USP8: variants seen among roughly 807,000 people sequenced by gnomAD.
USP8 encodes ubiquitin specific peptidase 8, also known as ubiquitin carboxyl-terminal hydrolase 8.
A neutral mutation model predicts 130.0 loss-of-function variants in USP8; 27 were observed. The observed-to-expected ratio is 0.21, with a 90% confidence interval of 0.15 to 0.29. The LOEUF (loss-of-function observed/expected upper bound fraction) is 0.29, where lower values mean the gene tolerates loss of function less well. USP8 is among the 10% of genes least tolerant of loss of function. The probability of loss-of-function intolerance (pLI) is 1.00; values close to 1 mark genes in which losing one functional copy is unlikely to be tolerated. For synonymous variants in USP8, 392 were observed against 444.1 expected, an observed-to-expected ratio of 0.88 and a Z score of 1.48; for missense variants, 1,029 against 1,312.2, an observed-to-expected ratio of 0.78 and a Z score of 3.33.
chr15:50,486,906 G>A (rs972168455), intron 12 of USP8, among the ~76,000 whole-genome samples: 2 of 152,082 alleles, frequency 1.3e-5, no homozygotes, highest in African/African-American at 4.8e-5. Flanking sequence ...GCTGAAGTGG[G>A]AGGATCATTT....
At position 50,513,566 on chromosome 15, in the gene USP8, A is replaced by T. The variant is rs2052767950; in HGVS notation, c.*14478A>T. The T allele has an allele frequency of 6.6e-6, 1 of 151,730 alleles. No individual in the cohort carries two copies. Among genetic ancestry groups the T allele is most frequent in the Admixed American group, 6.6e-5 (1 of 15,232 alleles). 9.4% of individuals were successfully genotyped at this position (151,730 alleles called of 1,614,324 possible). A position where few individuals can be genotyped will look rare whatever the true frequency, so the allele number is the denominator to read the frequency against. On this transcript the variant is annotated 3_prime_UTR_variant, in exon 20 of 20. Transcript: ENST00000307179. ...GTGAAGAATCAAGCCACAGAAGGTA[A>T]TTTAAAAATGTACACTCAAGATTTA...
chr15:50,432,264 G>T lies in USP8; in HGVS notation c.-65-6745G>T, dbSNP rs1452132416. ...CGCCCAGCTAATTTTTAAATTTTTT[G>T]TAAAATTTTTTGTCTTTACTTTGTT... On this transcript the variant is annotated intron_variant, in intron 1 of 19. Transcript: ENST00000307179. 2.6e-5 allele frequency: 4 copies of T among 152,252 alleles called. No homozygotes were observed. The South Asian group carries it at 8.3e-4, about 32-fold the overall frequency. 9.4% of individuals were successfully genotyped at this position (152,252 alleles called of 1,614,324 possible).
chr15:50,456,655 G>A (rs1226638400), intron 4 of USP8, among the ~76,000 whole-genome samples: 15 of 152,108 alleles, frequency 9.9e-5, no homozygotes, highest in Non-Finnish European at 2.9e-5. Flanking sequence ...GGAGGCCGAC[G>A]AGGGTGGATC....
chr15:50,475,983 G>C (rs2051555547), intron 8 of USP8, among the ~76,000 whole-genome samples: 1 of 152,136 alleles, frequency 6.6e-6, no homozygotes, highest in African/African-American at 2.4e-5. Flanking sequence ...GTGTACCTTA[G>C]CTTAAGCAAC....
chr15:50,492,610 A>G lies in USP8; in HGVS notation c.2235-91A>G, dbSNP rs3098178. Reference sequence around the variant, plus strand: ...ACTGTTTACAAGATGCCTGTGGTACAGGTGCTACAGTTTGCTGCCATTTAT... The same window carrying G: ...ACTGTTTACAAGATGCCTGTGGTACGGGTGCTACAGTTTGCTGCCATTTAT... On this transcript the variant is annotated intron_variant, in intron 14 of 19. Transcript: ENST00000307179. 10,180 of 1,256,060 alleles carry G rather than the reference A, an allele frequency of 8.1e-3. 48 individuals are homozygous for G. Among genetic ancestry groups the G allele is most frequent in the Non-Finnish European group, 0.01 (9,146 of 904,668 alleles). 77.8% of individuals were successfully genotyped at this position (1,256,060 alleles called of 1,614,324 possible). A position where few individuals can be genotyped will look rare whatever the true frequency, so the allele number is the denominator to read the frequency against.
intron 7 of USP8, among the ~76,000 whole-genome samples, chr15:50,469,288 TTTAA>T (rs2051298424): frequency 6.6e-6 from 1 of 151,938 alleles, no homozygotes; most frequent in Non-Finnish European, 1.5e-5. Context: ...AAAAATTATT[TTTAA>T]TTAAATTAAT....
At chr15:50,428,085 T>G (rs1466765075) in intron 1 of USP8, among the ~76,000 whole-genome samples, 1 of 152,124 alleles carries the variant, frequency 6.6e-6, no homozygotes, top group Non-Finnish European at 1.5e-5. Context: ...AACTAAGCCT[T>G]GTCTCTTTTG....
chr15:50,442,130 A>G (rs2141257423), intron 3 of USP8, among the ~76,000 whole-genome samples: 1 of 151,916 alleles, frequency 6.6e-6, no homozygotes, highest in South Asian at 2.1e-4. Flanking sequence ...ATGTGCCACC[A>G]AGCCTGGCTA....
chr15:50,489,425 C>G (rs2052077750), intron 12 of USP8: 1 of 155,156 alleles, frequency 6.4e-6, no homozygotes, highest in African/African-American at 2.4e-5. Flanking sequence ...CTGTGGAAAA[C>G]TAAAAAAAAA....
intron 1 of USP8, among the ~76,000 whole-genome samples, chr15:50,435,194 A>T (rs1370025612): frequency 6.6e-6 from 1 of 152,170 alleles, no homozygotes; most frequent in East Asian, 1.9e-4. Flanking sequence ...CAAAAATGTA[A>T]CATGTTAAAT....
chr15:50,508,910 G>A lies in USP8; in HGVS notation c.*9822G>A, dbSNP rs1430449500. 3 of 151,506 alleles carry A rather than the reference G, an allele frequency of 2.0e-5. No homozygotes were observed. Among genetic ancestry groups the A allele is most frequent in the African/African-American group, 4.8e-5 (2 of 41,282 alleles). 9.4% of individuals were successfully genotyped at this position (151,506 alleles called of 1,614,324 possible). On this transcript the variant is annotated 3_prime_UTR_variant, in exon 20 of 20. Coordinates refer to ENST00000307179, the MANE Select transcript of USP8 (RefSeq NM_005154.5). ...AGCACTTTGGGAGGCCGAGGCGGGC[G>A]GATCACGAGGTCAGGAGATTGAGAC...
rs74641655 is a variant in USP8 at position 50,467,310 on chromosome 15, A to G, written c.686+2119A>G. On this transcript the variant is annotated intron_variant, in intron 7 of 19. Transcript: ENST00000307179. ...CCCAAAATGTGAGATTTGGACTACT[A>G]TGAAACTCAAGATGATTTTAGGTTG... Among the ~76,000 whole-genome samples the G allele has an allele frequency of 8.9e-4, 135 of 152,344 alleles. 1 individual carries two copies. The highest frequency in any genetic ancestry group is 5.4e-3 in the East Asian group (28 of 5,190).
intron 1 of USP8, among the ~76,000 whole-genome samples, chr15:50,438,136 C>G (rs990947414): frequency 6.6e-6 from 1 of 152,110 alleles, no homozygotes; most frequent in Non-Finnish European, 1.5e-5. Flanking sequence ...AGAATTAAAG[C>G]AAATTGGGGT....
chr15:50,489,850 T>C lies in USP8; in HGVS notation c.1940T>C (p.Ile647Thr). The C allele has an allele frequency of 6.3e-7, 1 of 1,584,088 alleles. No homozygotes were observed. Among genetic ancestry groups the C allele is most frequent in the Non-Finnish European group, 8.6e-7 (1 of 1,165,676 alleles). ...TRARSEEMGR[I>T]VPGLPSGWAK... ...GCACGAAGTGAAGAAATGGGGAGGA[T>C]CGTACCAGGACTGCCTTCAGGCTGG... The change falls in exon 13 of 20, where the codon ATC (isoleucine) becomes ACC (threonine). Residue 647 changes from isoleucine (I) to threonine (T), a missense_variant. By Grantham distance (89) the Ile-to-Thr change is moderately conservative (BLOSUM62 -1). This residue lies in a region of USP8 where 486 missense variants were observed against 522.0 expected (regional missense o/e 0.93). Coordinates refer to ENST00000307179, the MANE Select transcript of USP8 (RefSeq NM_005154.5).
At chr15:50,457,905 A>G (rs2050847535) in intron 4 of USP8, among the ~76,000 whole-genome samples, 1 of 151,954 alleles carries the variant, frequency 6.6e-6, no homozygotes. Context: ...AAAAAAGAGC[A>G]TATAAAATGT....
At chr15:50,436,562 G>T (rs1354190930) in intron 1 of USP8, among the ~76,000 whole-genome samples, 1 of 151,882 alleles carries the variant, frequency 6.6e-6, no homozygotes. Flanking sequence ...GCAGTGGTGC[G>T]ATCTCGGCTC....
Position 50,499,536 on chromosome 15 carries a change from G to A in USP8, c.*448G>A, listed in dbSNP as rs1445478289. 3 of 152,230 alleles carry A rather than the reference G, an allele frequency of 2.0e-5. No homozygotes were observed. The highest frequency in any genetic ancestry group is 4.4e-5 in the Non-Finnish European group (3 of 68,136). 9.4% of individuals were successfully genotyped at this position (152,230 alleles called of 1,614,324 possible). The stretch of plus-strand genomic sequence containing the variant: ...CTTGCACATCAAATCGATGTACATA[G>A]TTTAACACGTGGTCCTTTTGTGAAA... On this transcript the variant is annotated 3_prime_UTR_variant, in exon 20 of 20. Coordinates refer to ENST00000307179, the MANE Select transcript of USP8 (RefSeq NM_005154.5).
At position 50,452,097 on chromosome 15, in the gene USP8, A is replaced by G. The variant is rs111680641; in HGVS notation, c.335+2612A>G. 3.4e-3 allele frequency among the ~76,000 whole-genome samples: 525 copies of G among 152,358 alleles called. 4 individuals carry two copies. The highest frequency in any genetic ancestry group is 0.012 in the African/African-American group (510 of 41,588). ...AGATTCTGAAAAAAATGCTTTAGCA[A>G]AAAGACCTAGTGAGTGGCTAGAAAA... is the stretch of plus-strand genomic sequence containing the variant. On this transcript the variant is annotated intron_variant, in intron 4 of 19. Coordinates refer to ENST00000307179, the MANE Select transcript of USP8 (RefSeq NM_005154.5).
chr15:50,431,458 C>T (rs953178208), intron 1 of USP8, among the ~76,000 whole-genome samples: 4 of 152,072 alleles, frequency 2.6e-5, no homozygotes. Flanking sequence ...ACTCCATCTC[C>T]TACATAATAT....
Sources: allele counts gnomAD v4.1 joint callset (sites outside exome capture counted in the v4.1 genomes callset), GRCh38; gene constraint gnomAD v4.1.1; regional missense constraint gnomAD v4.1.1; transcripts MANE v1.5; gene names NCBI Gene and HGNC (gene_info 2026-07-23, HGNC 2026-07-21).